Variants in CDH13 observed in about 807,000 individuals in gnomAD.
CDH13 encodes cadherin 13.
In CDH13, 24 loss-of-function variants were observed where a neutral mutation model predicts 63.8. That is an observed-to-expected ratio of 0.38 (90% CI 0.27 to 0.53). The LOEUF is 0.53. Ranked by LOEUF, CDH13 falls within the 20% of genes least tolerant of loss-of-function variation. The pLI is 0.85. For synonymous variants in CDH13, 503 were observed against 355.3 expected (o/e 1.42, Z -4.67); for missense variants, 1,049 against 903.1 (o/e 1.16, Z -2.07).
chr16:83,201,973 G>T (rs1397299613), intron 4 of CDH13, among the ~76,000 whole-genome samples: 1 of 152,118 alleles, frequency 6.6e-6, no homozygotes, highest in African/African-American at 2.4e-5. Context: ...GCTGTAGGGT[G>T]GTGTCACCAT....
chr16:82,723,947 T>C (rs908100678), intron 1 of CDH13, among the ~76,000 whole-genome samples: 2 of 152,146 alleles, frequency 1.3e-5, no homozygotes, highest in Admixed American at 6.5e-5. Context: ...TAACAGATGA[T>C]GTTGGGGGCA....
At chr16:83,158,073 T>C (rs1032043646) in intron 4 of CDH13, among the ~76,000 whole-genome samples, 4 of 152,018 alleles carry the variant, frequency 2.6e-5, no homozygotes, top group Admixed American at 2.6e-4. Context: ...GGGTCAAACC[T>C]TTAGAAAGTG....
intron 2 of CDH13, among the ~76,000 whole-genome samples, chr16:82,891,958 T>A (rs550746156): frequency 6.6e-6 from 1 of 152,274 alleles, no homozygotes; most frequent in East Asian, 1.9e-4. Context: ...TTGGTCAGTA[T>A]CCTTTTGATC....
intron 6 of CDH13, among the ~76,000 whole-genome samples, chr16:83,403,812 A>G (rs546610898): frequency 6.6e-6 from 1 of 152,240 alleles, no homozygotes; most frequent in Admixed American, 6.5e-5. Context: ...TCTTACCTAG[A>G]TACAAAAAGT....
chr16:82,670,065 G>C (rs1474501014), intron 1 of CDH13, among the ~76,000 whole-genome samples: 1 of 152,206 alleles, frequency 6.6e-6, no homozygotes, highest in African/African-American at 2.4e-5. Context: ...ATTGCTGCTT[G>C]TCTCAGAGTT....
At chr16:83,371,088 G>C (rs1344001690) in intron 6 of CDH13, among the ~76,000 whole-genome samples, 1 of 152,226 alleles carries the variant, frequency 6.6e-6, no homozygotes, top group Non-Finnish European at 1.5e-5. Flanking sequence ...CTGCTAGTGG[G>C]AATGTAAGTT....
chr16:83,289,230 C>G (rs185456257), intron 5 of CDH13, among the ~76,000 whole-genome samples: 1 of 152,168 alleles, frequency 6.6e-6, no homozygotes. Context: ...AGTACATAAC[C>G]CAACCTGGGA....
chr16:83,583,836 G>C (rs892741674), intron 7 of CDH13, among the ~76,000 whole-genome samples: 1 of 152,124 alleles, frequency 6.6e-6, no homozygotes, highest in South Asian at 2.1e-4. Flanking sequence ...AGAATCACTT[G>C]AGCCCACGAG....
intron 8 of CDH13, among the ~76,000 whole-genome samples, chr16:83,653,320 T>C (rs1912565179): frequency 6.6e-6 from 1 of 152,112 alleles, no homozygotes; most frequent in Admixed American, 6.5e-5. Flanking sequence ...CATAGCGCAA[T>C]AAAACTGTTA....
At chr16:83,398,237 TCTGGAAGCCAGAAGC>T (rs1290778403) in intron 6 of CDH13, 1 of 152,144 alleles carries the variant, frequency 6.6e-6, no homozygotes, top group African/African-American at 2.4e-5. Context: ...TTCTCTAGCT[TCTGGAAGCCAGAAGC>T]CAAAATCAAG....
At chr16:83,606,098 T>TGAA (rs1908305072) in intron 8 of CDH13, among the ~76,000 whole-genome samples, 1 of 152,154 alleles carries the variant, frequency 6.6e-6, no homozygotes, top group South Asian at 2.1e-4. Context: ...CTTATGATCT[T>TGAA]GAAGTTGAAA....
intron 6 of CDH13, among the ~76,000 whole-genome samples, chr16:83,349,888 C>T (rs2090915601): frequency 6.6e-6 from 1 of 152,170 alleles, no homozygotes; most frequent in African/African-American, 2.4e-5. Flanking sequence ...GTGTGAGTCA[C>T]TGCACCTGGC....
intron 6 of CDH13, among the ~76,000 whole-genome samples, chr16:83,410,683 G>C (rs189203258): frequency 6.6e-6 from 1 of 152,024 alleles, no homozygotes; most frequent in Non-Finnish European, 1.5e-5. Context: ...GCTACTCATA[G>C]AAATTAGTTC....
At chr16:82,660,469 A>G (rs945467975) in intron 1 of CDH13, among the ~76,000 whole-genome samples, 1 of 152,310 alleles carries the variant, frequency 6.6e-6, no homozygotes, top group East Asian at 1.9e-4. Context: ...AGGGAGCACC[A>G]GTTGGTGAAC....
At chr16:83,750,953 A>G (rs1913029025) in intron 11 of CDH13, among the ~76,000 whole-genome samples, 1 of 147,196 alleles carries the variant, frequency 6.8e-6, no homozygotes, top group Admixed American at 6.9e-5. Flanking sequence ...CCTTGCTTGT[A>G]GCAAGTGCTT....
At chr16:83,059,050 A>C (rs1485980710) in intron 3 of CDH13, among the ~76,000 whole-genome samples, 1 of 152,188 alleles carries the variant, frequency 6.6e-6, no homozygotes, top group Non-Finnish European at 1.5e-5. Flanking sequence ...GGTCAGGTGC[A>C]GGAACTTGAT....
At chr16:83,177,240 A>T (rs985472866) in intron 4 of CDH13, among the ~76,000 whole-genome samples, 2 of 152,200 alleles carry the variant, frequency 1.3e-5, no homozygotes, top group African/African-American at 4.8e-5. Flanking sequence ...GTTTTATCTT[A>T]AATATGACAA....
chr16:83,738,937 G>A (rs887319452), intron 10 of CDH13, among the ~76,000 whole-genome samples: 2 of 152,114 alleles, frequency 1.3e-5, no homozygotes, highest in African/African-American at 4.8e-5. Flanking sequence ...GGAGAAATAG[G>A]AATTTAGTGA....
At chr16:83,442,426 CAA>C (rs1184398997) in intron 6 of CDH13, among the ~76,000 whole-genome samples, 1 of 152,220 alleles carries the variant, frequency 6.6e-6, no homozygotes, top group African/African-American at 2.4e-5. Context: ...TTAAAGAGCA[CAA>C]AGACATCCTT....
Sources: allele counts gnomAD v4.1 joint callset (sites outside exome capture counted in the v4.1 genomes callset), GRCh38; gene constraint gnomAD v4.1.1; transcripts MANE v1.5; gene names NCBI Gene and HGNC (gene_info 2026-07-23, HGNC 2026-07-21).